PCCA: variants seen among roughly 807,000 people sequenced by gnomAD.
The protein encoded by PCCA is propionyl-CoA carboxylase subunit alpha.
PCCA carries 74 observed loss-of-function variants against 101.3 expected under a neutral mutation model. That is an observed-to-expected ratio of 0.73 (90% CI 0.61 to 0.89). PCCA has a LOEUF of 0.89. PCCA is among the 40% of genes least tolerant of loss of function. The probability of loss-of-function intolerance (pLI) is 0.00; values close to 1 mark genes in which losing one functional copy is unlikely to be tolerated. For missense variants in PCCA, 891 were observed against 907.0 expected, an observed-to-expected ratio of 0.98 and a Z score of 0.23; for synonymous variants, 294 against 313.6, an observed-to-expected ratio of 0.94 and a Z score of 0.66.
At chr13:100,401,750 A>G (rs2152855624) in intron 19 of PCCA, among the ~76,000 whole-genome samples, 1 of 152,254 alleles carries the variant, frequency 6.6e-6, no homozygotes, top group Non-Finnish European at 1.5e-5. Context: ...GCTGTTTTTC[A>G]AGACTCCTGA....
intron 8 of PCCA, among the ~76,000 whole-genome samples, chr13:100,240,583 AT>A (rs200644021): frequency 0.019 from 2,962 of 151,998 alleles, 85 homozygotes; most frequent in African/African-American, 0.068. Context: ...TGATTTGCAG[AT>A]TTTTTTTATT....
At chr13:100,191,994 G>T (rs771895758) in intron 6 of PCCA, among the ~76,000 whole-genome samples, 13 of 152,170 alleles carry the variant, frequency 8.5e-5, no homozygotes, top group African/African-American at 1.2e-4. Context: ...CAAATCTCAG[G>T]TGATCTGAAC....
At chr13:100,258,943 A>G (rs2062258806) in intron 9 of PCCA, among the ~76,000 whole-genome samples, 1 of 152,166 alleles carries the variant, frequency 6.6e-6, no homozygotes, top group African/African-American at 2.4e-5. Flanking sequence ...TAGATTTAAT[A>G]ATACAAGCTC....
At chr13:100,203,428 G>A (rs4771356) in intron 6 of PCCA, among the ~76,000 whole-genome samples, 47,564 of 151,944 alleles carry the variant, frequency 0.31, 8,336 homozygotes, top group East Asian at 0.71. Flanking sequence ...GGTGGCTCAC[G>A]CCTTTAATCC....
At chr13:100,114,891 A>G (rs960210296) in intron 4 of PCCA, among the ~76,000 whole-genome samples, 5 of 152,178 alleles carry the variant, frequency 3.3e-5, no homozygotes, top group African/African-American at 1.2e-4. Flanking sequence ...TAAAACTATC[A>G]TATGATCCGG....
intron 21 of PCCA, among the ~76,000 whole-genome samples, chr13:100,514,981 T>G (rs2086725126): frequency 6.6e-6 from 1 of 152,240 alleles, no homozygotes; most frequent in Admixed American, 6.5e-5. Flanking sequence ...CAGCCGCTCT[T>G]GGAGGGCTGT....
intron 20 of PCCA, among the ~76,000 whole-genome samples, chr13:100,432,492 G>A (rs1447692470): frequency 6.6e-6 from 1 of 152,188 alleles, no homozygotes; most frequent in Non-Finnish European, 1.5e-5. Flanking sequence ...AAATTGGGAA[G>A]TATTCATTTA....
At chr13:100,528,166 A>G (rs1343710918) in intron 23 of PCCA, among the ~76,000 whole-genome samples, 1 of 152,256 alleles carries the variant, frequency 6.6e-6, no homozygotes, top group African/African-American at 2.4e-5. Context: ...GGAACAATTC[A>G]GTTGCAGATC....
At chr13:100,342,426 G>T (rs1566964698) in intron 18 of PCCA, among the ~76,000 whole-genome samples, 1 of 151,918 alleles carries the variant, frequency 6.6e-6, no homozygotes, top group Non-Finnish European at 1.5e-5. Context: ...ACCACATCTG[G>T]CTAATTTTTT....
At chr13:100,182,285 CG>C (rs1425006424) in intron 6 of PCCA, among the ~76,000 whole-genome samples, 1 of 151,458 alleles carries the variant, frequency 6.6e-6, no homozygotes, top group East Asian at 1.9e-4. Flanking sequence ...TTAGTAGAGA[CG>C]GGGTTTCACC....
intron 21 of PCCA, among the ~76,000 whole-genome samples, chr13:100,484,882 G>A (rs1053874538): frequency 1.3e-5 from 2 of 152,132 alleles, no homozygotes. Context: ...TCTTTTGCAA[G>A]TTCTGGTGGT....
At position 100,340,136 on chromosome 13, in the gene PCCA, TG is replaced by T. The variant is rs773809966; in HGVS notation, c.1541-19del. On this transcript the variant is annotated intron_variant, in intron 17 of 23. Transcript: ENST00000376285. ...TAAAATAAATGATTGATTGATTGAT[TG>T]GTTGATTGATTTCCCTCAGGACACA... is the stretch of plus-strand genomic sequence containing the variant. 79 of 1,170,746 alleles carry T rather than the reference TG, an allele frequency of 6.7e-5. No individual in the cohort carries two copies. Among genetic ancestry groups the T allele is most frequent in the Admixed American group, 1.7e-5 (1 of 59,456 alleles). 72.5% of individuals were successfully genotyped at this position (1,170,746 alleles called of 1,614,324 possible).
intron 8 of PCCA, among the ~76,000 whole-genome samples, chr13:100,251,154 G>T (rs1216117956): frequency 1.3e-5 from 2 of 152,134 alleles, no homozygotes; most frequent in Non-Finnish European, 2.9e-5. Context: ...TATGATAACT[G>T]AGATAAAGAA....
rs61969183 is a variant in PCCA, at chr13:100,203,096, C to T, written c.469-6236C>T. Among the ~76,000 whole-genome samples the T allele has an allele frequency of 5.3e-3, 808 of 151,936 alleles. 4 individuals are homozygous for T. The highest frequency in any genetic ancestry group is 7.3e-3 in the Non-Finnish European group (496 of 67,968). ...TACCAGCTTGGCCAACATAATGAAA[C>T]TCCGTCTCTACTAAAAATACAAAAA... On this transcript the variant is annotated intron_variant, in intron 6 of 23. Transcript: ENST00000376285.
chr13:100,290,400 A>T (rs1163062722), intron 12 of PCCA, among the ~76,000 whole-genome samples: 1 of 151,738 alleles, frequency 6.6e-6, no homozygotes, highest in Non-Finnish European at 1.5e-5. Flanking sequence ...TTTTGTAGAG[A>T]CGAGATCTCA....
intron 7 of PCCA, among the ~76,000 whole-genome samples, chr13:100,224,866 A>C (rs1262615528): frequency 6.6e-6 from 1 of 152,170 alleles, no homozygotes; most frequent in Non-Finnish European, 1.5e-5. Flanking sequence ...GACAGTGAGA[A>C]CTCTGGAAAA....
rs116059793 is a variant in PCCA at position 100,406,405 on chromosome 13, C to T, written c.1747-19228C>T. ...TATACCTTACTTAATTATTAAAGTC[C>T]GTAAACAGTTCAAAATTGGCCGGGT... On this transcript the variant is annotated intron_variant, in intron 19 of 23. Coordinates refer to ENST00000376285, the MANE Select transcript of PCCA (RefSeq NM_000282.4). Among the ~76,000 whole-genome samples, 1,286 of 152,234 alleles carry T rather than the reference C, an allele frequency of 8.4e-3. 17 individuals carry two copies. Among genetic ancestry groups the T allele is most frequent in the African/African-American group, 0.029 (1,208 of 41,548 alleles).
intron 12 of PCCA, among the ~76,000 whole-genome samples, chr13:100,285,628 A>T (rs536841289): frequency 3.3e-5 from 5 of 152,288 alleles, no homozygotes; most frequent in African/African-American, 9.6e-5. Context: ...ACAGCCACCT[A>T]CTTAGATACC....
intron 10 of PCCA, among the ~76,000 whole-genome samples, chr13:100,263,351 T>G (rs1380847360): frequency 6.6e-6 from 1 of 152,216 alleles, no homozygotes; most frequent in African/African-American, 2.4e-5. Context: ...TTCATGCTAA[T>G]TTTATACATT....
Sources: allele counts gnomAD v4.1 joint callset (sites outside exome capture counted in the v4.1 genomes callset), GRCh38; gene constraint gnomAD v4.1.1; transcripts MANE v1.5; gene names NCBI Gene and HGNC (gene_info 2026-07-23, HGNC 2026-07-21).